Variants in NLGN1 observed in about 807,000 individuals in gnomAD.
The protein encoded by NLGN1 is neuroligin 1, also known as neuroligin-1.
Under a neutral mutation model 65.5 loss-of-function variants are expected in NLGN1, and 12 were observed. The ratio of observed to expected loss-of-function variants is 0.18; its 90% CI spans 0.12 to 0.30. NLGN1 has a LOEUF of 0.30. NLGN1 is among the 10% of genes least tolerant of loss of function. NLGN1 has a pLI of 1.00. For synonymous variants in NLGN1, 350 were observed against 359.5 expected, an observed-to-expected ratio of 0.97 and a Z score of 0.30; for missense variants, 750 against 1,007.1, an observed-to-expected ratio of 0.74 and a Z score of 3.46.
rs189141605 is a variant in NLGN1, at chr3:173,953,875, T to C, written c.646+146043T>C. Among the ~76,000 whole-genome samples the C allele has an allele frequency of 2.9e-3, 438 of 152,258 alleles. 7 individuals are homozygous for C. The highest frequency in any genetic ancestry group is 0.027 in the Admixed American group (419 of 15,288). On this transcript the variant is annotated intron_variant, in intron 4 of 6. Transcript: ENST00000457714. ...ATTTATATCTGCTTTCCTGATGTAATTGCTAATGGTCCCCCATTTTACTAT... is the reference window on the plus strand; with the variant it reads ...ATTTATATCTGCTTTCCTGATGTAACTGCTAATGGTCCCCCATTTTACTAT...
chr3:173,977,550 A>G (rs1717780500), intron 4 of NLGN1, among the ~76,000 whole-genome samples: 1 of 152,030 alleles, frequency 6.6e-6, no homozygotes, highest in Non-Finnish European at 1.5e-5. Context: ...TTTAAGCAGG[A>G]ATTAACAATT....
chr3:173,992,770 T>G (rs1201284866), intron 4 of NLGN1, among the ~76,000 whole-genome samples: 1 of 152,240 alleles, frequency 6.6e-6, no homozygotes, highest in Non-Finnish European at 1.5e-5. Flanking sequence ...AGCACACATA[T>G]AGTCTATAAG....
chr3:174,178,074 A>G lies in NLGN1; in HGVS notation c.647-97241A>G, dbSNP rs1485668335. Among the ~76,000 whole-genome samples, 4 of 152,246 alleles carry G rather than the reference A, an allele frequency of 2.6e-5. No individual in the cohort carries two copies. In the East Asian group the frequency reaches 7.7e-4, roughly 29 times the overall value. On this transcript the variant is annotated intron_variant, in intron 4 of 6. Coordinates refer to ENST00000457714, the Ensembl canonical transcript of NLGN1. Reference sequence around the variant, plus strand: ...TGATCTGTGAAGTAGGAACAAAAAAAGGTAAAGTGGCTTAATAGTGCTTGG... The same window carrying G: ...TGATCTGTGAAGTAGGAACAAAAAAGGGTAAAGTGGCTTAATAGTGCTTGG...
At chr3:173,546,692 CG>C (rs1358628882) in intron 2 of NLGN1, among the ~76,000 whole-genome samples, 5 of 152,056 alleles carry the variant, frequency 3.3e-5, no homozygotes, top group Non-Finnish European at 7.4e-5. Context: ...AGCTGGGCTG[CG>C]CTATTAAATT....
intron 4 of NLGN1, among the ~76,000 whole-genome samples, chr3:174,040,708 T>G (rs535695263): frequency 6.6e-6 from 1 of 152,230 alleles, no homozygotes; most frequent in South Asian, 2.1e-4. Flanking sequence ...TTTCCTCTTT[T>G]AGAAAGTAAG....
chr3:173,472,723 G>C (rs1229784899), intron 2 of NLGN1, among the ~76,000 whole-genome samples: 1 of 152,134 alleles, frequency 6.6e-6, no homozygotes, highest in African/African-American at 2.4e-5. Context: ...CATAAAAAAC[G>C]TCATGAGGAC....
At chr3:173,762,849 G>C (rs1044832982) in intron 3 of NLGN1, among the ~76,000 whole-genome samples, 6 of 151,916 alleles carry the variant, frequency 3.9e-5, no homozygotes, top group Non-Finnish European at 8.8e-5. Flanking sequence ...GGGAGAAAGG[G>C]TTAAACTCAT....
In NLGN1 at chr3:174,279,624, A is replaced by T; in HGVS notation, c.1623A>T (p.Thr541=). The T allele has an allele frequency of 1.9e-6, 3 of 1,606,782 alleles. No homozygotes were observed. The highest frequency in any genetic ancestry group is 2.6e-6 in the Non-Finnish European group (3 of 1,175,142). The change falls in exon 6 of 7, where the codon ACA becomes ACT. Residue 541 remains threonine, a synonymous_variant. Coordinates refer to ENST00000457714, the Ensembl canonical transcript of NLGN1. The surrounding 1 kb of genome is among the most constrained non-coding windows in gnomAD (Gnocchi z 4.7). ...TGATGCTGAGTGCAGTTGTAATGAC[A>T]TACTGGACAAATTTTGCTAAAACTG...
chr3:173,750,602 A>G (rs529326628), intron 3 of NLGN1, among the ~76,000 whole-genome samples: 2 of 152,118 alleles, frequency 1.3e-5, no homozygotes, highest in African/African-American at 2.4e-5. Flanking sequence ...AAATAATTTT[A>G]TGTCTATTGA....
At chr3:173,609,442 C>A (rs1440678201) in intron 3 of NLGN1, among the ~76,000 whole-genome samples, 2 of 151,870 alleles carry the variant, frequency 1.3e-5, no homozygotes, top group African/African-American at 2.4e-5. Context: ...ATATTGAATT[C>A]TTTCAAGAGC....
Position 174,280,332 on chromosome 3 carries a change from T to C in NLGN1, c.1650-149T>C, listed in dbSNP as rs1445617909. 6.5e-6 allele frequency: 4 copies of C among 619,022 alleles called. No homozygotes were observed. Among genetic ancestry groups the C allele is most frequent in the Non-Finnish European group, 1.1e-5 (4 of 362,644 alleles). The allele number at this position is 619,022 out of a possible 1,614,324, so 38.3% of individuals were successfully genotyped here. A position where few individuals can be genotyped will look rare whatever the true frequency, so the allele number is the denominator to read the frequency against. ...ATCTAACAATATGCCTGCTAGGAGA[T>C]TTATATTTCTAAATTGACCCAAATT... On this transcript the variant is annotated intron_variant, in intron 6 of 6. Coordinates refer to ENST00000457714, the Ensembl canonical transcript of NLGN1. This position sits in a 1 kb window ranked among gnomAD's most constrained non-coding sequence, Gnocchi z 4.9.
chr3:173,649,815 A>G (rs1003371665), intron 3 of NLGN1, among the ~76,000 whole-genome samples: 4 of 152,076 alleles, frequency 2.6e-5, no homozygotes, highest in Admixed American at 2.0e-4. Context: ...TAAACCATTA[A>G]AGTACACTTA....
chr3:174,182,373 C>A (rs1730607055), intron 4 of NLGN1, among the ~76,000 whole-genome samples: 2 of 152,030 alleles, frequency 1.3e-5, no homozygotes, highest in Admixed American at 1.3e-4. Context: ...ACAATATGTT[C>A]CAAACTTATT....
intron 1 of NLGN1, among the ~76,000 whole-genome samples, chr3:173,425,363 T>TA (rs34320021): frequency 4.0e-5 from 6 of 150,778 alleles, no homozygotes; most frequent in African/African-American, 1.5e-4. Flanking sequence ...CTTTTTTTTT[T>TA]ATAAAATCTT....
intron 4 of NLGN1, among the ~76,000 whole-genome samples, chr3:173,928,350 T>G (rs2152279392): frequency 6.6e-6 from 1 of 152,304 alleles, no homozygotes; most frequent in South Asian, 2.1e-4. Flanking sequence ...GTGTGGTACA[T>G]TATCTTCTGT....
chr3:174,275,302 T>A lies in NLGN1; in HGVS notation c.647-13T>A. The A allele has an allele frequency of 6.2e-7, 1 of 1,601,768 alleles. No homozygotes were observed. Reference sequence around the variant, plus strand: ...TCAGCTCAAAACGTGTTTTCTAAATTTATATTTTTCAGGTTTCTTGAGTAC... The same window carrying A: ...TCAGCTCAAAACGTGTTTTCTAAATATATATTTTTCAGGTTTCTTGAGTAC... On this transcript the variant is annotated splice_polypyrimidine_tract_variant and intron_variant, in intron 4 of 6. Transcript: ENST00000457714.
intron 4 of NLGN1, among the ~76,000 whole-genome samples, chr3:173,894,411 A>G (rs73182688): frequency 0.086 from 13,106 of 151,644 alleles, 712 homozygotes; most frequent in East Asian, 0.14. Flanking sequence ...CAAGTTTTCA[A>G]CCTCCTGGGT....
chr3:174,031,783 T>C (rs936653617), intron 4 of NLGN1, among the ~76,000 whole-genome samples: 2 of 151,940 alleles, frequency 1.3e-5, no homozygotes, highest in Non-Finnish European at 2.9e-5. Context: ...CTTAAGAAAC[T>C]TTGCCAGAAT....
chr3:174,194,464 AAG>A (rs1491175781), intron 4 of NLGN1, among the ~76,000 whole-genome samples: 1 of 152,004 alleles, frequency 6.6e-6, no homozygotes, highest in African/African-American at 2.4e-5. Flanking sequence ...AAAAAAGAAA[AAG>A]AAAAAAAAGA....
Sources: gnomAD v4.1 joint callset for allele counts (sites outside exome capture counted in the v4.1 genomes callset) on GRCh38, gnomAD v4.1.1 for gene constraint, Gnocchi (gnomAD v3.1) non-coding constraint, MANE v1.5 for transcripts, NCBI Gene and HGNC (gene_info 2026-07-23, HGNC 2026-07-21) for gene names.